Variants in IGF1R observed in about 807,000 individuals in gnomAD.
IGF1R encodes the protein insulin-like growth factor 1 receptor.
Under a neutral mutation model 144.6 loss-of-function variants are expected in IGF1R, and 44 were observed. The observed-to-expected ratio is 0.30, with a 90% CI of 0.24 to 0.39. IGF1R has a LOEUF of 0.39. Among genes scored for constraint, IGF1R ranks in the 10% least tolerant of loss-of-function variants. The pLI, the probability that IGF1R is intolerant of heterozygous loss-of-function variation, is 1.00. For missense variants in IGF1R, 1,355 were observed against 1,833.7 expected (o/e 0.74, Z 4.77); for synonymous variants, 795 against 722.8 (o/e 1.10, Z -1.60).
chr15:98,857,454 A>G (rs2011889144), intron 2 of IGF1R, among the ~76,000 whole-genome samples: 1 of 152,208 alleles, frequency 6.6e-6, no homozygotes. Context: ...CCTGACCTCA[A>G]GTGATCCACC....
chr15:98,674,459 C>T (rs889480151), intron 1 of IGF1R, among the ~76,000 whole-genome samples: 3 of 152,172 alleles, frequency 2.0e-5, no homozygotes, highest in Non-Finnish European at 4.4e-5. Context: ...TCCATTGCCT[C>T]CTTTATATGA....
intron 2 of IGF1R, among the ~76,000 whole-genome samples, chr15:98,838,109 T>G (rs1225148293): frequency 6.6e-6 from 1 of 152,234 alleles, no homozygotes; most frequent in Non-Finnish European, 1.5e-5. Context: ...AGGTTTGGGG[T>G]TCACCTTTAT....
chr15:98,748,527 G>A (rs938211000), intron 2 of IGF1R, among the ~76,000 whole-genome samples: 2 of 150,342 alleles, frequency 1.3e-5, no homozygotes, highest in African/African-American at 5.0e-5. Flanking sequence ...GCATTCTTTA[G>A]CAATTATGTG....
intron 2 of IGF1R, among the ~76,000 whole-genome samples, chr15:98,805,877 G>A (rs182979563): frequency 3.9e-5 from 6 of 152,206 alleles, no homozygotes; most frequent in African/African-American, 1.4e-4. Context: ...ACCAACTGGG[G>A]GCCTTACAAT....
intron 2 of IGF1R, among the ~76,000 whole-genome samples, chr15:98,733,071 T>TA (rs1197264712): frequency 1.3e-5 from 2 of 152,152 alleles, no homozygotes; most frequent in Non-Finnish European, 2.9e-5. Context: ...GAAAGATGTC[T>TA]ACGTGTGGGT....
At chr15:98,736,245 C>T (rs1195095587) in intron 2 of IGF1R, among the ~76,000 whole-genome samples, 1 of 152,178 alleles carries the variant, frequency 6.6e-6, no homozygotes, top group African/African-American at 2.4e-5. Context: ...ATTACATTTG[C>T]TCTGAAAAGC....
intron 2 of IGF1R, among the ~76,000 whole-genome samples, chr15:98,859,876 C>T (rs2141580963): frequency 6.6e-6 from 1 of 152,298 alleles, no homozygotes; most frequent in South Asian, 2.1e-4. Context: ...GCCAAAGCAG[C>T]ATGCCTTGCT....
intron 2 of IGF1R, among the ~76,000 whole-genome samples, chr15:98,774,971 C>G (rs577423572): frequency 1.3e-5 from 2 of 152,308 alleles, no homozygotes; most frequent in Admixed American, 1.3e-4. Context: ...GCTCAGGAAC[C>G]TGGAACCAGA....
chr15:98,673,024 G>A (rs1841613034), intron 1 of IGF1R, among the ~76,000 whole-genome samples: 1 of 152,004 alleles, frequency 6.6e-6, no homozygotes, highest in Admixed American at 6.6e-5. Flanking sequence ...AAAAAAATGA[G>A]GTCTTTATTA....
At chr15:98,650,167 C>T (rs536814372) in intron 1 of IGF1R, among the ~76,000 whole-genome samples, 1 of 152,190 alleles carries the variant, frequency 6.6e-6, no homozygotes, top group Admixed American at 6.5e-5. Context: ...GGCAGCCGCC[C>T]GGCCCGCGGG....
Position 98,912,922 on chromosome 15 carries a change from T to G in IGF1R, c.1590-122T>G, listed in dbSNP as rs1480388549. 3 of 705,212 alleles carry G rather than the reference T, an allele frequency of 4.3e-6. No homozygotes were observed. In the African/African-American group the frequency reaches 5.3e-5, roughly 12 times the overall value. The allele number at this position is 705,212 out of a possible 1,614,324, so 43.7% of individuals were successfully genotyped here. ...ATTTCTTCTTCTATAAAAGTCTAAT[T>G]GATTATTTGTTTATTTAGACCTCCC... On this transcript the variant is annotated intron_variant, in intron 7 of 20. Transcript: ENST00000650285.
intron 8 of IGF1R, among the ~76,000 whole-genome samples, chr15:98,915,436 C>T (rs1164847548): frequency 3.3e-5 from 5 of 152,210 alleles, no homozygotes; most frequent in African/African-American, 4.8e-5. Context: ...ATCCCTCTTA[C>T]ACACAGCTGT....
intron 19 of IGF1R, among the ~76,000 whole-genome samples, chr15:98,943,384 T>C (rs924096600): frequency 1.3e-5 from 2 of 152,230 alleles, no homozygotes; most frequent in Non-Finnish European, 2.9e-5. Flanking sequence ...CTTTCTCTTT[T>C]CCTCTTTCTC....
At chr15:98,842,682 A>G (rs2011195635) in intron 2 of IGF1R, among the ~76,000 whole-genome samples, 1 of 152,250 alleles carries the variant, frequency 6.6e-6, no homozygotes. Flanking sequence ...AAGAAAGACA[A>G]AGATCCTTGT....
At chr15:98,876,334 G>GTCT (rs1478992740) in intron 2 of IGF1R, among the ~76,000 whole-genome samples, 19 of 150,850 alleles carry the variant, frequency 1.3e-4, no homozygotes, top group African/African-American at 4.6e-4. Flanking sequence ...AAAAGAGAGA[G>GTCT]AGAGTCTTGA....
At chr15:98,728,932 G>C (rs1261715929) in intron 2 of IGF1R, among the ~76,000 whole-genome samples, 1 of 152,202 alleles carries the variant, frequency 6.6e-6, no homozygotes, top group Non-Finnish European at 1.5e-5. Context: ...ACCTTCCTAA[G>C]GCCTCTCAGC....
At chr15:98,892,894 G>A (rs1211407217) in intron 3 of IGF1R, among the ~76,000 whole-genome samples, 4 of 152,312 alleles carry the variant, frequency 2.6e-5, no homozygotes, top group South Asian at 2.1e-4. Flanking sequence ...GCACACACCT[G>A]TAGTCTCAGC....
intron 2 of IGF1R, among the ~76,000 whole-genome samples, chr15:98,827,877 G>A (rs571984918): frequency 2.8e-4 from 43 of 152,274 alleles, no homozygotes; most frequent in African/African-American, 9.6e-4. Context: ...CACCGCGCCC[G>A]GCCTAAGATT....
chr15:98,672,923 G>T (rs2052935261), intron 1 of IGF1R, among the ~76,000 whole-genome samples: 1 of 152,190 alleles, frequency 6.6e-6, no homozygotes, highest in South Asian at 2.1e-4. Flanking sequence ...AGCTTCCTCT[G>T]TGTAGCTCAG....
Sources: allele counts gnomAD v4.1 joint callset (sites outside exome capture counted in the v4.1 genomes callset), GRCh38; gene constraint gnomAD v4.1.1; transcripts MANE v1.5; gene names NCBI Gene and HGNC (gene_info 2026-07-23, HGNC 2026-07-21).